The following PHC3 variants were observed in gnomAD, a reference collection of about 807,000 sequenced individuals.
The protein encoded by PHC3 is polyhomeotic homolog 3.
PHC3 carries 13 observed loss-of-function variants against 107.4 expected under a neutral mutation model. The observed-to-expected ratio is 0.12, with a 90% CI of 0.08 to 0.19. The LOEUF (loss-of-function observed/expected upper bound fraction) is 0.19. PHC3 is among the 10% of genes least tolerant of loss of function. The pLI is 1.00. For synonymous variants in PHC3, 456 were observed against 427.4 expected, an observed-to-expected ratio of 1.07 and a Z score of -0.83; for missense variants, 992 against 1,210.9, an observed-to-expected ratio of 0.82 and a Z score of 2.68.
At chr3:170,175,962 T>C (rs1021711701) in intron 2 of PHC3, among the ~76,000 whole-genome samples, 6 of 148,344 alleles carry the variant, frequency 4.0e-5, no homozygotes, top group African/African-American at 1.2e-4. Flanking sequence ...GCACGGTAGC[T>C]CATGCCTGTG....
chr3:170,105,699 G>C lies in PHC3; in HGVS notation c.2468+1133C>G, dbSNP rs9828102. ...CTACCTATTTTGAAATACAGTACAA[G>C]CTATAGTCATCCTACTGAAGATCTT... On this transcript the variant is annotated intron_variant, in intron 12 of 14. Coordinates refer to ENST00000495893, the MANE Select transcript of PHC3 (RefSeq NM_024947.4). 1.0e-2 allele frequency among the ~76,000 whole-genome samples: 1,516 copies of C among 152,226 alleles called. 33 individuals are homozygous for C. The highest frequency in any genetic ancestry group is 0.035 in the African/African-American group (1,435 of 41,526).
intron 6 of PHC3, among the ~76,000 whole-genome samples, chr3:170,138,319 T>C (rs372546330): frequency 2.6e-5 from 4 of 152,246 alleles, no homozygotes; most frequent in African/African-American, 9.6e-5. Flanking sequence ...GTGTCTTCTC[T>C]GATTTTTCTC....
intron 6 of PHC3, among the ~76,000 whole-genome samples, chr3:170,141,316 C>T (rs571643298): frequency 1.5e-4 from 23 of 152,270 alleles, no homozygotes; most frequent in African/African-American, 4.8e-4. Context: ...GAAACAATAT[C>T]CATAGAGAAA....
chr3:170,160,862 G>A (rs775800877), intron 4 of PHC3, among the ~76,000 whole-genome samples: 6 of 152,272 alleles, frequency 3.9e-5, no homozygotes, highest in South Asian at 2.1e-4. Flanking sequence ...AGCCAAGATC[G>A]TGCCACTGCA....
intron 6 of PHC3, among the ~76,000 whole-genome samples, chr3:170,142,434 C>G (rs1359790355): frequency 2.6e-5 from 4 of 151,956 alleles, no homozygotes; most frequent in Non-Finnish European, 5.9e-5. Flanking sequence ...GAATTTGAAT[C>G]CAAGTCTTCC....
chr3:170,106,661 C>T (rs181827423), intron 12 of PHC3, among the ~76,000 whole-genome samples, 171 bp downstream of exon 12: 4 of 152,170 alleles, frequency 2.6e-5, no homozygotes, highest in Admixed American at 2.0e-4. Context: ...TAGGTGGCTC[C>T]AGATACTGCC....
chr3:170,132,742 C>T (rs1722459152), intron 7 of PHC3, among the ~76,000 whole-genome samples: 1 of 152,208 alleles, frequency 6.6e-6, no homozygotes, highest in African/African-American at 2.4e-5. Context: ...TTTGTTATGG[C>T]AGCTGGAGCA....
chr3:170,124,010 G>A (rs964158201), intron 8 of PHC3, among the ~76,000 whole-genome samples: 1 of 151,890 alleles, frequency 6.6e-6, no homozygotes, highest in Non-Finnish European at 1.5e-5. Context: ...ACCATGCCCA[G>A]CTAATTTTTT....
chr3:170,158,199 T>C (rs1055802513), intron 4 of PHC3, among the ~76,000 whole-genome samples: 1 of 151,642 alleles, frequency 6.6e-6, no homozygotes, highest in African/African-American at 2.4e-5. Flanking sequence ...AAAAATGAAG[T>C]CTATTTTTAT....
rs181768766 is a variant in PHC3 at position 170,122,312 on chromosome 3, T to A, written c.1942+279A>T. On this transcript the variant is annotated intron_variant, in intron 9 of 14. Transcript: ENST00000495893. ...CAAATTCGTTTAATATTATCTCTAG[T>A]GAATAAACAGGCTGGGTGCAATGGC... Among the ~76,000 whole-genome samples the A allele has an allele frequency of 4.4e-3, 665 of 151,966 alleles. 1 individual carries two copies. Among genetic ancestry groups the A allele is most frequent in the Non-Finnish European group, 7.8e-3 (528 of 67,934 alleles).
At chr3:170,166,519 ATTTT>A (rs144685041) in intron 4 of PHC3, among the ~76,000 whole-genome samples, 1 of 152,086 alleles carries the variant, frequency 6.6e-6, no homozygotes, top group Non-Finnish European at 1.5e-5. Flanking sequence ...ATTAACTATC[ATTTT>A]TTTAACTAAT....
rs114982854 is a variant in PHC3, at chr3:170,139,203, G to A, written c.673-2538C>T. Among the ~76,000 whole-genome samples, 509 of 152,180 alleles carry A rather than the reference G, an allele frequency of 3.3e-3. 2 individuals carry two copies. The highest frequency in any genetic ancestry group is 6.8e-3 in the Middle Eastern group (2 of 294). ...TTCATTTTTATACTCCCTGCAGTTC[G>A]GTGCTGCAGACTTAACAGATGAGGT... On this transcript the variant is annotated intron_variant, in intron 6 of 14. Transcript: ENST00000495893.
intron 9 of PHC3, among the ~76,000 whole-genome samples, chr3:170,121,193 C>T (rs1343852597): frequency 2.0e-5 from 3 of 151,986 alleles, no homozygotes; most frequent in Non-Finnish European, 2.9e-5. Flanking sequence ...AAACAAGCAG[C>T]AAGCCATGCA....
chr3:170,169,692 G>C (rs988391652), intron 4 of PHC3: 3 of 152,118 alleles, frequency 2.0e-5, no homozygotes, highest in Non-Finnish European at 2.9e-5. Flanking sequence ...TTCTGTGAAT[G>C]TCACATACAT....
intron 14 of PHC3, 118 bp downstream of exon 14, chr3:170,102,361 T>C: frequency 6.8e-7 from 1 of 1,463,674 alleles, no homozygotes; most frequent in Non-Finnish European, 9.0e-7. Context: ...TGTCATTTTA[T>C]TTATACATAT....
At chr3:170,143,098 G>A (rs901515938) in intron 6 of PHC3, among the ~76,000 whole-genome samples, 5 of 152,130 alleles carry the variant, frequency 3.3e-5, no homozygotes, top group Admixed American at 2.6e-4. Flanking sequence ...GATGGCTTGA[G>A]CCCAGGGAGG....
intron 6 of PHC3, among the ~76,000 whole-genome samples, chr3:170,139,634 ACACT>A (rs1186815364): frequency 6.6e-6 from 1 of 152,206 alleles, no homozygotes; most frequent in Admixed American, 6.5e-5. Flanking sequence ...ATACTTACAT[ACACT>A]ATGTTGTATA....
At chr3:170,114,997 C>T (rs1230321739) in intron 10 of PHC3, among the ~76,000 whole-genome samples, 2 of 152,098 alleles carry the variant, frequency 1.3e-5, no homozygotes, top group African/African-American at 2.4e-5. Flanking sequence ...ATACACTTCT[C>T]ACAGATGAAT....
At chr3:170,174,311 A>C (rs1257460222) in intron 2 of PHC3, among the ~76,000 whole-genome samples, 4 of 152,194 alleles carry the variant, frequency 2.6e-5, no homozygotes, top group African/African-American at 9.6e-5. Flanking sequence ...TTTTGCTTCA[A>C]CATTGAATAA....
Sources: gnomAD v4.1 joint callset for allele counts (sites outside exome capture counted in the v4.1 genomes callset) on GRCh38, gnomAD v4.1.1 for gene constraint, MANE v1.5 for transcripts, NCBI Gene and HGNC (gene_info 2026-07-23, HGNC 2026-07-21) for gene names.